Variants in DNASE1L3 observed in about 807,000 individuals in gnomAD.
DNASE1L3 encodes the protein deoxyribonuclease 1L3, also known as deoxyribonuclease gamma.
DNASE1L3 carries 27 observed loss-of-function variants against 30.9 expected under a neutral mutation model. The ratio of observed to expected loss-of-function variants is 0.87; its 90% CI spans 0.64 to 1.20. The LOEUF (loss-of-function observed/expected upper bound fraction) is 1.20. Among genes scored for constraint, DNASE1L3 ranks in the 50% most tolerant of loss-of-function variants. DNASE1L3 has a pLI of 0.00. For synonymous variants in DNASE1L3, 135 were observed against 138.0 expected (o/e 0.98, Z 0.15); for missense variants, 364 against 378.2 (o/e 0.96, Z 0.31).
chr3:58,208,173 G>T, intron 2 of DNASE1L3, 45 bp downstream of exon 2: 1 of 1,584,760 alleles, frequency 6.3e-7, no homozygotes, highest in Non-Finnish European at 8.7e-7. Flanking sequence ...AGATGCCCTT[G>T]CACTTGACCT....
In DNASE1L3 at chr3:58,197,711, C is replaced by A. The variant is rs779798850; in HGVS notation, c.704+110G>T. 4.0e-6 allele frequency: 6 copies of A among 1,502,192 alleles called. No individual in the cohort carries two copies. Among genetic ancestry groups the A allele is most frequent in the Non-Finnish European group, 5.5e-6 (6 of 1,094,170 alleles). The allele number at this position is 1,502,192 out of a possible 1,614,324, so 93.1% of individuals were successfully genotyped here. ...CAAGCGATCCATCCATCGAGGCCTC[C>A]CAAAGTGCTAGGACTACTGGCGTGA... On this transcript the variant is annotated intron_variant, in intron 6 of 7. Transcript: ENST00000394549. The surrounding 1 kb of genome is among the most constrained non-coding windows in gnomAD (Gnocchi z 5.3).
chr3:58,201,185 G>C, intron 4 of DNASE1L3, 76 bp from the exon 5 acceptor site: 3 of 1,101,128 alleles, frequency 2.7e-6, no homozygotes, highest in South Asian at 1.7e-5. Flanking sequence ...AGGGAAACCA[G>C]CTGTCCCCTC....
At chr3:58,207,815 C>T (rs2097405112) in intron 2 of DNASE1L3, 2 of 173,544 alleles carry the variant, frequency 1.2e-5, no homozygotes, top group South Asian at 2.9e-4. Context: ...GCACGTGCCA[C>T]CACACCTGGC....
intron 2 of DNASE1L3, 133 bp from the exon 3 acceptor site, chr3:58,205,693 G>A: frequency 1.4e-6 from 1 of 704,082 alleles, no homozygotes; most frequent in Admixed American, 2.5e-5. Flanking sequence ...CATAACCTTT[G>A]AGTCCAATGA....
intron 2 of DNASE1L3, among the ~76,000 whole-genome samples, chr3:58,207,451 CCCCCA>C (rs201807184): frequency 0.25 from 15,771 of 62,726 alleles, 1,416 homozygotes; most frequent in East Asian, 0.63. Context: ...ACCCCCCCCC[CCCCCA>C]CCAGAAGTAA....
chr3:58,202,591 C>T (rs1430973603), intron 4 of DNASE1L3, among the ~76,000 whole-genome samples: 1 of 151,838 alleles, frequency 6.6e-6, no homozygotes, highest in East Asian at 2.0e-4. Flanking sequence ...TGTTGGCTTA[C>T]TTCTGTAATC....
In DNASE1L3 at chr3:58,197,287, A is replaced by G. The variant is rs1041866374; in HGVS notation, c.704+534T>C. Among the ~76,000 whole-genome samples the G allele has an allele frequency of 4.6e-5, 7 of 152,116 alleles. No homozygotes were observed. The highest frequency in any genetic ancestry group is 1.7e-4 in the African/African-American group (7 of 41,412). ...ATGAAGTGATAATGTCAGGATTTAA[A>G]TCCAGGCCTATCTGATAGCGAAGCC... On this transcript the variant is annotated intron_variant, in intron 6 of 7. Transcript: ENST00000394549. The surrounding 1 kb of genome is among the most constrained non-coding windows in gnomAD (Gnocchi z 5.3).
At chr3:58,202,149 C>CTTT (rs771675575) in intron 4 of DNASE1L3, among the ~76,000 whole-genome samples, 1 of 138,532 alleles carries the variant, frequency 7.2e-6, no homozygotes, top group African/African-American at 2.6e-5. Context: ...TAAAGGTTTC[C>CTTT]TTTTTTTTTT....
intron 5 of DNASE1L3, among the ~76,000 whole-genome samples, chr3:58,198,623 G>A (rs1053781832): frequency 2.0e-5 from 3 of 152,106 alleles, no homozygotes; most frequent in African/African-American, 4.8e-5. Context: ...GTTCTTAGTC[G>A]CCACATTTCC....
In DNASE1L3 at chr3:58,201,059, C is replaced by T. The variant is rs557883775; in HGVS notation, c.484G>A (p.Val162Ile). ...TCAACCAACTCATCGATCTCCTTAA[C>T]GGATGTCTCTGGGGTGGTGTGCAGG... ...IPLHTTPETSVKEIDELVEVY... is the reference protein window; with the variant it reads ...IPLHTTPETSIKEIDELVEVY... Residue 162 changes from valine to isoleucine, a missense_variant, in exon 5 of 8, where the codon GTT (valine) becomes ATT (isoleucine). Coordinates refer to ENST00000394549, the MANE Select transcript of DNASE1L3 (RefSeq NM_004944.4). 39 of 1,613,332 alleles carry T rather than the reference C, an allele frequency of 2.4e-5. No individual in the cohort carries two copies. The South Asian group carries it at 3.3e-4, about 14-fold the overall frequency.
In DNASE1L3 at chr3:58,193,445, A is replaced by G; in HGVS notation, c.705-6T>C. Reference sequence around the variant, plus strand: ...CTTGTCCTCTAAGCACAATCCTGGAACAAGGGGAGGGAAAACAGTTGTGTT... The same window carrying G: ...CTTGTCCTCTAAGCACAATCCTGGAGCAAGGGGAGGGAAAACAGTTGTGTT... On this transcript the variant is annotated splice_polypyrimidine_tract_variant and splice_region_variant and intron_variant, in intron 6 of 7. Transcript: ENST00000394549. The G allele has an allele frequency of 6.2e-7, 1 of 1,608,630 alleles. No individual in the cohort carries two copies. Among genetic ancestry groups the G allele is most frequent in the Non-Finnish European group, 8.5e-7 (1 of 1,175,468 alleles).
intron 4 of DNASE1L3, 104 bp from the exon 5 acceptor site, chr3:58,201,213 A>C (rs1575497645): frequency 1.3e-6 from 1 of 787,938 alleles, no homozygotes; most frequent in East Asian, 2.8e-5. Context: ...CACAGGCTGC[A>C]TTATCTGGGT....
intron 4 of DNASE1L3, among the ~76,000 whole-genome samples, chr3:58,204,537 C>G (rs749702094): frequency 1.3e-5 from 2 of 152,212 alleles, no homozygotes; most frequent in Non-Finnish European, 2.9e-5. Context: ...AGAGAGTGGA[C>G]TACCATTGCT....
At chr3:58,208,496 G>C (rs1373762448) in intron 1 of DNASE1L3, among the ~76,000 whole-genome samples, 190 bp from the exon 2 acceptor site, 2 of 152,164 alleles carry the variant, frequency 1.3e-5, no homozygotes, top group Non-Finnish European at 2.9e-5. Flanking sequence ...AGGAGCGTGA[G>C]ACTCAGAGAA....
At chr3:58,210,591 C>G (rs11719301) in intron 1 of DNASE1L3, among the ~76,000 whole-genome samples, 175 bp downstream of exon 1, 1 of 152,160 alleles carries the variant, frequency 6.6e-6, no homozygotes, top group African/African-American at 2.4e-5. Context: ...TTGTTATCAC[C>G]CCTGTTTTAA....
chr3:58,198,112 C>G lies in DNASE1L3; in HGVS notation c.547-134G>C, dbSNP rs184076070. 4.8e-6 allele frequency: 5 copies of G among 1,041,650 alleles called. No individual in the cohort carries two copies. In the East Asian group the frequency reaches 1.3e-4, roughly 28 times the overall value. 64.5% of individuals were successfully genotyped at this position (1,041,650 alleles called of 1,614,324 possible). A position where few individuals can be genotyped will look rare whatever the true frequency, so the allele number is the denominator to read the frequency against. On this transcript the variant is annotated intron_variant, in intron 5 of 7. Coordinates refer to ENST00000394549, the MANE Select transcript of DNASE1L3 (RefSeq NM_004944.4). ...TGTTATGGGCTGAATCTTGTCTACC[C>G]CCTGCTCCCGCCCCGGCCAAATTCC...
chr3:58,202,317 G>GTTTTTTT (rs1171213238), intron 4 of DNASE1L3, among the ~76,000 whole-genome samples: 4 of 48,842 alleles, frequency 8.2e-5, no homozygotes, highest in African/African-American at 1.7e-4. Context: ...GGCTAGCTTT[G>GTTTTTTT]TTTTTTTTTT....
intron 6 of DNASE1L3, among the ~76,000 whole-genome samples, chr3:58,194,022 A>C (rs185317870): frequency 6.6e-6 from 1 of 152,382 alleles, no homozygotes; most frequent in East Asian, 1.9e-4. Context: ...TTCTTTTAAA[A>C]ATTTATTTCA....
rs1215991496 is a variant in DNASE1L3, at chr3:58,210,084, A to C, written c.141+682T>G. Among the ~76,000 whole-genome samples, 5 of 151,846 alleles carry C rather than the reference A, an allele frequency of 3.3e-5. No homozygotes were observed. In the East Asian group the frequency reaches 9.7e-4, roughly 29 times the overall value. On this transcript the variant is annotated intron_variant, in intron 1 of 7. Coordinates refer to ENST00000394549, the MANE Select transcript of DNASE1L3 (RefSeq NM_004944.4). ...GAAGGAAGGAGGAGAAGAAGAAAGA[A>C]AGACAAAGAGAGGGAGGGATGATGA... is the stretch of plus-strand genomic sequence containing the variant.
Sources: allele counts gnomAD v4.1 joint callset (sites outside exome capture counted in the v4.1 genomes callset), GRCh38; gene constraint gnomAD v4.1.1; non-coding constraint Gnocchi (gnomAD v3.1); transcripts MANE v1.5; gene names NCBI Gene and HGNC (gene_info 2026-07-23, HGNC 2026-07-21).